METAP1D: variants seen among roughly 807,000 people sequenced by gnomAD.
The protein encoded by METAP1D is methionyl aminopeptidase type 1D, mitochondrial.
Under a neutral mutation model 40.5 loss-of-function variants are expected in METAP1D, and 31 were observed. The observed-to-expected ratio is 0.77, with a 90% confidence interval of 0.58 to 1.03. The LOEUF is 1.03. METAP1D is among the 50% of genes least tolerant of loss of function. METAP1D has a pLI of 0.00. For synonymous variants in METAP1D, 151 were observed against 146.4 expected (o/e 1.03, Z -0.22); for missense variants, 411 against 420.7 (o/e 0.98, Z 0.20).
intron 1 of METAP1D, among the ~76,000 whole-genome samples, chr2:172,041,726 T>TTATTTATATATATATATATATA (rs1553493428): frequency 2.7e-5 from 1 of 37,560 alleles, no homozygotes; most frequent in African/African-American, 8.1e-5. Context: ...TCTAATTATT[T>TTATTTATATATATATATATATA]TATATATATA....
intron 5 of METAP1D, among the ~76,000 whole-genome samples, chr2:172,069,962 A>G (rs1364482349): frequency 2.0e-5 from 3 of 152,220 alleles, no homozygotes; most frequent in African/African-American, 7.2e-5. Context: ...AGCTCATATA[A>G]ACATCTTTTT....
At position 172,044,816 on chromosome 2, in the gene METAP1D, G is replaced by C. The variant is rs570974721; in HGVS notation, c.41-16682G>C. Among the ~76,000 whole-genome samples the C allele has an allele frequency of 9.0e-5, 12 of 133,726 alleles. 3 individuals are homozygous for C. Among genetic ancestry groups the C allele is most frequent in the Non-Finnish European group, 1.7e-4 (10 of 57,558 alleles). The allele number at this position is 133,726 out of a possible 152,430, so 87.7% of individuals were successfully genotyped here. A position where few individuals can be genotyped will look rare whatever the true frequency, so the allele number is the denominator to read the frequency against. ...AGTTACTTGGGAAGCTGAGGCAGGA[G>C]AATTCTTGAACCTGGATGATGGAGG... On this transcript the variant is annotated intron_variant, in intron 1 of 9. Transcript: ENST00000315796.
At chr2:172,045,284 G>T (rs1404701874) in intron 1 of METAP1D, among the ~76,000 whole-genome samples, 1 of 133,234 alleles carries the variant, frequency 7.5e-6, no homozygotes, top group African/African-American at 2.5e-5. Context: ...AAACAAAAAG[G>T]ACCTACCAAA....
In METAP1D at chr2:172,061,670, A is replaced by G. The variant is rs1331575970; in HGVS notation, c.198+15A>G. Reference sequence around the variant, plus strand: ...CGGTTCCTAAGGTACTGTATTGCCTATTATCTCCTGCTTTTTCCAGCCAAG... The same window carrying G: ...CGGTTCCTAAGGTACTGTATTGCCTGTTATCTCCTGCTTTTTCCAGCCAAG... On this transcript the variant is annotated intron_variant, in intron 2 of 9. Transcript: ENST00000315796. The G allele has an allele frequency of 1.9e-6, 3 of 1,563,632 alleles. No homozygotes were observed. The highest frequency in any genetic ancestry group is 2.0e-5 in the Admixed American group (1 of 50,402).
intron 1 of METAP1D, among the ~76,000 whole-genome samples, chr2:172,023,894 A>T (rs1689061050): frequency 6.9e-6 from 1 of 144,708 alleles, no homozygotes; most frequent in African/African-American, 2.6e-5. Context: ...TTGCTCTGTC[A>T]CCCAGGCTGG....
intron 1 of METAP1D, among the ~76,000 whole-genome samples, chr2:172,016,384 A>C (rs933643968): frequency 1.4e-5 from 2 of 141,906 alleles, no homozygotes; most frequent in Non-Finnish European, 3.0e-5. Context: ...TTGGAAGGCC[A>C]AGGCAGGTGG....
rs1010002027 is a variant in METAP1D, at chr2:172,054,902, A to T, written c.41-6596A>T. Reference sequence around the variant, plus strand: ...ATTATTACCTTTGATAACAGTAACTATTCTAGTATTCATAAAAAATAACAT... The same window carrying T: ...ATTATTACCTTTGATAACAGTAACTTTTCTAGTATTCATAAAAAATAACAT... On this transcript the variant is annotated intron_variant, in intron 1 of 9. Transcript: ENST00000315796. Among the ~76,000 whole-genome samples the T allele has an allele frequency of 5.9e-5, 9 of 152,336 alleles. No homozygotes were observed. The South Asian group carries it at 8.3e-4, about 14-fold the overall frequency.
intron 1 of METAP1D, among the ~76,000 whole-genome samples, chr2:172,023,926 C>T (rs1689061441): frequency 6.7e-6 from 1 of 150,048 alleles, no homozygotes; most frequent in South Asian, 2.1e-4. Context: ...GTGATCTCAG[C>T]TCACTGCAAG....
At position 172,041,790 on chromosome 2, in the gene METAP1D, C is replaced by G. The variant is rs764513036; in HGVS notation, c.41-19708C>G. 1.4e-3 allele frequency among the ~76,000 whole-genome samples: 88 copies of G among 60,808 alleles called. 17 individuals carry two copies. Among genetic ancestry groups the G allele is most frequent in the Non-Finnish European group, 2.8e-3 (73 of 25,882 alleles). The allele number at this position is 60,808 out of a possible 152,430, so 39.9% of individuals were successfully genotyped here. On this transcript the variant is annotated intron_variant, in intron 1 of 9. Transcript: ENST00000315796. ...TATTTCATCCCCCAAAAGAAATGAC[C>G]TAATATATATATAGTTTTTTTTTTT...
rs1431233585 is a variant in METAP1D at position 172,069,546 on chromosome 2, A to C, written c.541-1361A>C. Among the ~76,000 whole-genome samples, 4 of 152,312 alleles carry C rather than the reference A, an allele frequency of 2.6e-5. No homozygotes were observed. In the East Asian group the frequency reaches 7.7e-4, roughly 29 times the overall value. ...TTTCCTGAAGACTTTTAATAGTTTC[A>C]TTATTAACATTCAAACTATTTCAAA... On this transcript the variant is annotated intron_variant, in intron 5 of 9. Coordinates refer to ENST00000315796, the MANE Select transcript of METAP1D (RefSeq NM_199227.3).
intron 1 of METAP1D, among the ~76,000 whole-genome samples, chr2:172,045,694 T>G (rs1689723621): frequency 1.1e-5 from 1 of 87,956 alleles, no homozygotes; most frequent in African/African-American, 4.2e-5. Context: ...GGATCATTCA[T>G]ATATATGTGT....
chr2:172,059,891 A>C (rs997941885), intron 1 of METAP1D, among the ~76,000 whole-genome samples: 3 of 152,188 alleles, frequency 2.0e-5, no homozygotes, highest in Non-Finnish European at 4.4e-5. Context: ...TCTACTAAAA[A>C]TACAAAAAAA....
At chr2:172,045,815 G>GTGTA (rs1553494815) in intron 1 of METAP1D, among the ~76,000 whole-genome samples, 1 of 24,278 alleles carries the variant, frequency 4.1e-5, no homozygotes, top group African/African-American at 1.5e-4. Flanking sequence ...GTGTGTGTGT[G>GTGTA]TGTGTATATA....
At chr2:172,004,969 C>T (rs1305813370) in intron 1 of METAP1D, among the ~76,000 whole-genome samples, 3 of 151,426 alleles carry the variant, frequency 2.0e-5, no homozygotes, top group South Asian at 2.1e-4. Flanking sequence ...GTCACGAAGG[C>T]TGGAGTGCAG....
intron 1 of METAP1D, among the ~76,000 whole-genome samples, chr2:172,028,334 G>A (rs1689165751): frequency 6.6e-6 from 1 of 152,226 alleles, no homozygotes; most frequent in South Asian, 2.1e-4. Flanking sequence ...CCTGTGGCTG[G>A]CGGCAGTGAG....
chr2:172,026,480 A>T (rs962051028), intron 1 of METAP1D, among the ~76,000 whole-genome samples: 39 of 152,182 alleles, frequency 2.6e-4, no homozygotes, highest in Non-Finnish European at 1.2e-4. Context: ...CCTTAGGGAG[A>T]GCCCCATATT....
intron 1 of METAP1D, among the ~76,000 whole-genome samples, chr2:172,045,819 G>GTATATATATATATATA (rs796640775): frequency 6.6e-5 from 1 of 15,190 alleles, no homozygotes; most frequent in African/African-American, 3.2e-4. Context: ...GTGTGTGTGT[G>GTATATATATATATATA]TATATATATA....
At chr2:172,016,300 A>AAAAAAATAT (rs1553490378) in intron 1 of METAP1D, among the ~76,000 whole-genome samples, 11 of 40,054 alleles carry the variant, frequency 2.7e-4, no homozygotes, top group African/African-American at 6.0e-4. Context: ...AAAAAAAAAA[A>AAAAAAATAT]ATATATATAT....
chr2:172,073,224 G>A (rs1205959017), intron 6 of METAP1D, among the ~76,000 whole-genome samples: 2 of 151,960 alleles, frequency 1.3e-5, no homozygotes, highest in African/African-American at 2.4e-5. Context: ...TTTTGTGTAC[G>A]ACTTAACTCT....
Sources: gnomAD v4.1 joint callset for allele counts (sites outside exome capture counted in the v4.1 genomes callset) on GRCh38, gnomAD v4.1.1 for gene constraint, MANE v1.5 for transcripts, NCBI Gene and HGNC (gene_info 2026-07-23, HGNC 2026-07-21) for gene names.